Variants in GPC5 observed in about 807,000 individuals in gnomAD.
GPC5 encodes the protein glypican 5, also known as glypican-5.
A neutral mutation model predicts 53.9 loss-of-function variants in GPC5; 47 were observed. The ratio of observed to expected loss-of-function variants is 0.87; its 90% CI spans 0.69 to 1.11. The LOEUF (loss-of-function observed/expected upper bound fraction) is 1.11, where lower values mean the gene tolerates loss of function less well. Ranked by LOEUF, GPC5 falls within the 50% of genes most tolerant of loss-of-function variation. The pLI is 0.00. For missense variants in GPC5, 748 were observed against 713.1 expected, an observed-to-expected ratio of 1.05 and a Z score of -0.56; for synonymous variants, 286 against 263.3, an observed-to-expected ratio of 1.09 and a Z score of -0.84.
At chr13:92,746,352 TA>T (rs1889242036) in intron 7 of GPC5, among the ~76,000 whole-genome samples, 1 of 152,136 alleles carries the variant, frequency 6.6e-6, no homozygotes, top group Non-Finnish European at 1.5e-5. Context: ...ACTTTTCAAG[TA>T]ATAAGGAAAG....
At chr13:91,648,944 G>T (rs529196364) in intron 2 of GPC5, among the ~76,000 whole-genome samples, 2 of 152,238 alleles carry the variant, frequency 1.3e-5, no homozygotes, top group African/African-American at 4.8e-5. Context: ...TTGAATTGTA[G>T]TTCCCATAAT....
intron 7 of GPC5, among the ~76,000 whole-genome samples, chr13:92,593,229 A>G (rs1420583683): frequency 6.6e-6 from 1 of 151,232 alleles, no homozygotes; most frequent in South Asian, 2.1e-4. Context: ...ATAAGGAGAA[A>G]AGATGACAAT....
intron 2 of GPC5, among the ~76,000 whole-genome samples, chr13:91,512,997 T>A (rs1051673206): frequency 3.9e-5 from 6 of 152,194 alleles, no homozygotes; most frequent in African/African-American, 1.2e-4. Context: ...ATTACACTTT[T>A]AAAAAAATCA....
chr13:92,549,884 TACACACACACAC>T lies in GPC5; in HGVS notation c.1562-316372_1562-316361del, dbSNP rs34914341. On this transcript the variant is annotated intron_variant, in intron 7 of 7. Coordinates refer to ENST00000377067, the MANE Select transcript of GPC5 (RefSeq NM_004466.6). Reference sequence around the variant, plus strand: ...AAGTTTCTTTTACCAAACACACACATACACACACACACACACACACACACACACACACACACA... The same window carrying T: ...AAGTTTCTTTTACCAAACACACACATACACACACACACACACACACACACA... 1.4e-3 allele frequency among the ~76,000 whole-genome samples: 193 copies of T among 140,882 alleles called. 1 individual carries two copies. Among genetic ancestry groups the T allele is most frequent in the African/African-American group, 4.7e-3 (179 of 38,478 alleles). 92.4% of individuals were successfully genotyped at this position (140,882 alleles called of 152,430 possible).
chr13:91,626,616 T>A (rs2034009069), intron 2 of GPC5, among the ~76,000 whole-genome samples: 1 of 152,104 alleles, frequency 6.6e-6, no homozygotes, highest in African/African-American at 2.4e-5. Flanking sequence ...TCTAAAATAA[T>A]GTTTTTAGAC....
At chr13:91,785,091 C>T (rs1397169230) in intron 5 of GPC5, among the ~76,000 whole-genome samples, 1 of 152,198 alleles carries the variant, frequency 6.6e-6, no homozygotes, top group Non-Finnish European at 1.5e-5. Flanking sequence ...TCTTTCTCAC[C>T]GGTCATCCTG....
At chr13:92,474,097 C>T (rs1161787592) in intron 7 of GPC5, among the ~76,000 whole-genome samples, 1 of 151,242 alleles carries the variant, frequency 6.6e-6, no homozygotes, top group Admixed American at 6.6e-5. Flanking sequence ...ACAGCATAAA[C>T]TGTTTCTTTC....
intron 7 of GPC5, 71 bp downstream of exon 7, chr13:92,145,060 G>C (rs1457248186): frequency 8.5e-7 from 1 of 1,175,504 alleles, no homozygotes; most frequent in Non-Finnish European, 1.1e-6. Context: ...TATTGTTATG[G>C]ATGTAAAGAA....
chr13:91,704,842 A>G (rs908176065), intron 3 of GPC5, among the ~76,000 whole-genome samples: 5 of 152,226 alleles, frequency 3.3e-5, no homozygotes, highest in Non-Finnish European at 7.3e-5. Flanking sequence ...ATCTCTTTCC[A>G]CACCTGTGAT....
intron 7 of GPC5, among the ~76,000 whole-genome samples, chr13:92,179,277 C>A (rs951878899): frequency 6.6e-6 from 1 of 152,118 alleles, no homozygotes. Flanking sequence ...AGGATAATAT[C>A]CTGGTTTATA....
At chr13:92,622,957 G>C (rs968607199) in intron 7 of GPC5, among the ~76,000 whole-genome samples, 2 of 152,116 alleles carry the variant, frequency 1.3e-5, no homozygotes, top group African/African-American at 4.8e-5. Context: ...GAAGAAGAAA[G>C]GAATGAAATG....
intron 7 of GPC5, among the ~76,000 whole-genome samples, chr13:92,426,926 A>G (rs1876861923): frequency 6.6e-6 from 1 of 152,010 alleles, no homozygotes; most frequent in Admixed American, 6.6e-5. Context: ...AACTAGTTAA[A>G]TCATTCAGGA....
intron 6 of GPC5, among the ~76,000 whole-genome samples, chr13:91,917,175 G>A (rs995324098): frequency 6.6e-6 from 1 of 152,132 alleles, no homozygotes; most frequent in Non-Finnish European, 1.5e-5. Flanking sequence ...CAGGCATTGG[G>A]TAAACACACC....
intron 6 of GPC5, among the ~76,000 whole-genome samples, chr13:91,983,594 G>A (rs1442787114): frequency 1.3e-5 from 2 of 152,156 alleles, no homozygotes; most frequent in Admixed American, 6.5e-5. Flanking sequence ...TTCCTTGGAA[G>A]CTCATTAAAT....
chr13:91,411,294 C>T (rs939399814), intron 1 of GPC5, among the ~76,000 whole-genome samples: 2 of 152,176 alleles, frequency 1.3e-5, no homozygotes, highest in African/African-American at 4.8e-5. Flanking sequence ...GTAGGAGTTA[C>T]TTCTCTACTT....
intron 5 of GPC5, among the ~76,000 whole-genome samples, chr13:91,858,301 G>T (rs974641777): frequency 1.3e-5 from 2 of 151,858 alleles, no homozygotes; most frequent in East Asian, 3.9e-4. Context: ...CTAACTGAGG[G>T]TCTGTTCTAT....
intron 6 of GPC5, among the ~76,000 whole-genome samples, chr13:92,023,665 GACAC>G (rs367677767): frequency 4.3e-5 from 6 of 141,118 alleles, no homozygotes; most frequent in African/African-American, 1.5e-4. Context: ...CTTTGCTGAG[GACAC>G]ACACACACAC....
chr13:91,435,011 C>T (rs1166640854), intron 1 of GPC5, among the ~76,000 whole-genome samples: 11 of 152,126 alleles, frequency 7.2e-5, no homozygotes, highest in East Asian at 3.9e-4. Context: ...TGTATAAGAA[C>T]GCTTGTGATT....
chr13:92,290,860 C>G (rs2042989219), intron 7 of GPC5, among the ~76,000 whole-genome samples: 1 of 152,156 alleles, frequency 6.6e-6, no homozygotes, highest in Non-Finnish European at 1.5e-5. Flanking sequence ...CTGGAGCTGG[C>G]TCCCTTAGCT....
Sources: gnomAD v4.1 joint callset for allele counts (sites outside exome capture counted in the v4.1 genomes callset) on GRCh38, gnomAD v4.1.1 for gene constraint, MANE v1.5 for transcripts, NCBI Gene and HGNC (gene_info 2026-07-23, HGNC 2026-07-21) for gene names.